Variants in ASCC2 observed in about 807,000 individuals in gnomAD.
The protein encoded by ASCC2 is activating signal cointegrator 1 complex subunit 2, also known as ASC-1 complex subunit P100.
A neutral mutation model predicts 93.5 loss-of-function variants in ASCC2; 42 were observed. The observed-to-expected ratio is 0.45, with a 90% CI of 0.35 to 0.58. The LOEUF (loss-of-function observed/expected upper bound fraction) is 0.58. ASCC2 is among the 20% of genes least tolerant of loss of function. The pLI is 0.00. For synonymous variants in ASCC2, 364 were observed against 384.2 expected, an observed-to-expected ratio of 0.95 and a Z score of 0.62; for missense variants, 859 against 977.6, an observed-to-expected ratio of 0.88 and a Z score of 1.62.
chr22:29,828,190 T>C (rs1357624461), intron 2 of ASCC2, among the ~76,000 whole-genome samples: 1 of 152,202 alleles, frequency 6.6e-6, no homozygotes, highest in Admixed American at 6.5e-5. Flanking sequence ...GGATAAGGAC[T>C]TCAAATGGAA....
At chr22:29,813,230 C>T (rs1369406536) in intron 8 of ASCC2, among the ~76,000 whole-genome samples, 200 bp downstream of exon 8, 2 of 151,996 alleles carry the variant, frequency 1.3e-5, no homozygotes, top group Non-Finnish European at 2.9e-5. Flanking sequence ...CTGGTCTTGG[C>T]CAAAAACAGG....
At chr22:29,816,808 G>GGAGA (rs1428972279) in intron 5 of ASCC2, 1 of 149,460 alleles carries the variant, frequency 6.7e-6, no homozygotes, top group South Asian at 2.1e-4. Flanking sequence ...AGGGAGAGAG[G>GGAGA]GAGAGAGGGA....
In ASCC2 at chr22:29,825,683, G is replaced by A. The variant is rs1317016534; in HGVS notation, c.179C>T (p.Thr60Ile). 5.6e-6 allele frequency: 9 copies of A among 1,614,134 alleles called. No homozygotes were observed. The African/African-American group carries it at 8.0e-5, about 14-fold the overall frequency. ...CCAGTCGAGGTCATTGGCTACGAAG[G>A]TGGCGCGTTCCAGGTACTCCTCCAC... ...ALVEEYLERATFVANDLDWLL... is the reference protein window; with the variant it reads ...ALVEEYLERAIFVANDLDWLL... Residue 60 changes from threonine to isoleucine, a missense_variant, in exon 3 of 20, where the codon ACC (threonine) becomes ATC (isoleucine). By Grantham distance (89) the Thr-to-Ile change is moderately conservative (BLOSUM62 -1). Transcript: ENST00000307790. The surrounding 1 kb of genome is among the most constrained non-coding windows in gnomAD (Gnocchi z 4.9).
At position 29,825,280 on chromosome 22, in the gene ASCC2, G is replaced by C; in HGVS notation, c.241-23C>G. Reference sequence around the variant, plus strand: ...CACCTAAACCAGGAGACAGAGGAGAGCGAGGATTTATCCCTTAGGCCCCAG... The same window carrying C: ...CACCTAAACCAGGAGACAGAGGAGACCGAGGATTTATCCCTTAGGCCCCAG... On this transcript the variant is annotated intron_variant, in intron 3 of 19. Transcript: ENST00000307790. This position sits in a 1 kb window ranked among gnomAD's most constrained non-coding sequence, Gnocchi z 4.9. The C allele has an allele frequency of 6.6e-7, 1 of 1,508,628 alleles. No homozygotes were observed. Among genetic ancestry groups the C allele is most frequent in the Admixed American group, 2.3e-5 (1 of 43,034 alleles). 93.5% of individuals were successfully genotyped at this position (1,508,628 alleles called of 1,614,324 possible).
Position 29,825,463 on chromosome 22 carries a change from T to C in ASCC2, c.240+159A>G. 1 of 1,187,756 alleles carries C rather than the reference T, an allele frequency of 8.4e-7. No individual in the cohort carries two copies. Among genetic ancestry groups the C allele is most frequent in the Non-Finnish European group, 1.2e-6 (1 of 838,524 alleles). 73.6% of individuals were successfully genotyped at this position (1,187,756 alleles called of 1,614,324 possible). A position where few individuals can be genotyped will look rare whatever the true frequency, so the allele number is the denominator to read the frequency against. ...GAAAGGTGTGTAAACATTAAGATTG[T>C]GATACAAGACAGAGCAATCCGAACC... On this transcript the variant is annotated intron_variant, in intron 3 of 19. Coordinates refer to ENST00000307790, the MANE Select transcript of ASCC2 (RefSeq NM_032204.5). The surrounding 1 kb of genome is among the most constrained non-coding windows in gnomAD (Gnocchi z 4.9).
At chr22:29,819,938 C>G (rs1214206602) in intron 5 of ASCC2, among the ~76,000 whole-genome samples, 1 of 152,072 alleles carries the variant, frequency 6.6e-6, no homozygotes, top group Non-Finnish European at 1.5e-5. Context: ...TAGTTCACTA[C>G]AGCCTCAACA....
At chr22:29,827,219 C>T (rs2062477906) in intron 2 of ASCC2, among the ~76,000 whole-genome samples, 1 of 151,518 alleles carries the variant, frequency 6.6e-6, no homozygotes. Flanking sequence ...CAAGTTCTCC[C>T]TTCCAGCCCC....
chr22:29,793,605 T>C lies in ASCC2; in HGVS notation c.1760A>G (p.Tyr587Cys). ...CTCCACCACCACGCTGTACTGCTCG[T>C]AGCGCTGCCGCTGTGCCGCCACTGC... ...KRAVAAQRQR[Y>C]EQYSVVVEEV... Residue 587 changes from tyrosine to cysteine, a missense_variant, in exon 16 of 20, where the codon TAC becomes TGC. Physicochemically the swap from Tyr to Cys is radical, Grantham distance 194. Coordinates refer to ENST00000307790, the MANE Select transcript of ASCC2 (RefSeq NM_032204.5). The C allele has an allele frequency of 6.2e-7, 1 of 1,609,904 alleles. No homozygotes were observed. Among genetic ancestry groups the C allele is most frequent in the Non-Finnish European group, 8.5e-7 (1 of 1,178,598 alleles).
chr22:29,809,446 T>C (rs954883573), intron 8 of ASCC2, among the ~76,000 whole-genome samples: 1 of 152,056 alleles, frequency 6.6e-6, no homozygotes, highest in African/African-American at 2.4e-5. Flanking sequence ...TGCCTCAGCC[T>C]CCCAAGACAC....
intron 15 of ASCC2, among the ~76,000 whole-genome samples, chr22:29,800,217 G>A (rs528683557): frequency 6.6e-6 from 1 of 152,308 alleles, no homozygotes; most frequent in Admixed American, 6.5e-5. Flanking sequence ...CTTTGCAGAA[G>A]TGACCCCTCC....
chr22:29,792,858 A>C (rs1413284779), intron 17 of ASCC2, among the ~76,000 whole-genome samples: 1 of 152,222 alleles, frequency 6.6e-6, no homozygotes, highest in Non-Finnish European at 1.5e-5. Flanking sequence ...ATTAAGAAGA[A>C]AAATGGACTG....
At chr22:29,820,016 C>A (rs1029203222) in intron 5 of ASCC2, among the ~76,000 whole-genome samples, 1 of 151,744 alleles carries the variant, frequency 6.6e-6, no homozygotes, top group Non-Finnish European at 1.5e-5. Flanking sequence ...CATGCCACCA[C>A]GCCTAATTTT....
In ASCC2 at chr22:29,815,814, T is replaced by C. The variant is rs532157318; in HGVS notation, c.609+192A>G. 7.9e-5 allele frequency among the ~76,000 whole-genome samples: 12 copies of C among 152,304 alleles called. No individual in the cohort carries two copies. The East Asian group carries it at 2.3e-3, about 29-fold the overall frequency. On this transcript the variant is annotated intron_variant, in intron 6 of 19. Transcript: ENST00000307790. Reference sequence around the variant, plus strand: ...AGCCAGCCCTTAGGCTTAAGTCTTGTTCAAAAGGGAAAACGGCAAATTTAA... The same window carrying C: ...AGCCAGCCCTTAGGCTTAAGTCTTGCTCAAAAGGGAAAACGGCAAATTTAA...
intron 15 of ASCC2, among the ~76,000 whole-genome samples, chr22:29,794,757 C>T (rs767711178): frequency 1.3e-5 from 2 of 152,154 alleles, no homozygotes; most frequent in Non-Finnish European, 2.9e-5. Context: ...TGTGCTGATG[C>T]GGAAAGAATT....
intron 5 of ASCC2, among the ~76,000 whole-genome samples, chr22:29,820,463 C>T (rs998724498): frequency 1.1e-4 from 17 of 151,744 alleles, no homozygotes; most frequent in African/African-American, 3.6e-4. Context: ...CGCCTGGCTG[C>T]AAAATTTCAT....
chr22:29,823,858 A>G (rs926501608), intron 4 of ASCC2, among the ~76,000 whole-genome samples: 7 of 151,906 alleles, frequency 4.6e-5, no homozygotes, highest in Non-Finnish European at 8.8e-5. Context: ...AAAAAAAAAA[A>G]AAAAGAAAAG....
At chr22:29,829,478 T>G (rs931935655) in intron 2 of ASCC2, among the ~76,000 whole-genome samples, 1 of 152,062 alleles carries the variant, frequency 6.6e-6, no homozygotes, top group African/African-American at 2.4e-5. Flanking sequence ...ATCCCAGTGC[T>G]TTAGGAGGCC....
At chr22:29,823,228 A>G (rs1170174265) in intron 4 of ASCC2, among the ~76,000 whole-genome samples, 1 of 151,616 alleles carries the variant, frequency 6.6e-6, no homozygotes, top group African/African-American at 2.4e-5. Flanking sequence ...TAGTAGAGAC[A>G]GGGTTTTGCC....
At chr22:29,790,439 C>G in intron 19 of ASCC2, 30 bp downstream of exon 19, 5 of 1,611,892 alleles carry the variant, frequency 3.1e-6, no homozygotes, top group Non-Finnish European at 4.2e-6. Flanking sequence ...TGGGAGGGGT[C>G]CCCCCAGAAG....
Sources: allele counts gnomAD v4.1 joint callset (sites outside exome capture counted in the v4.1 genomes callset), GRCh38; gene constraint gnomAD v4.1.1; non-coding constraint Gnocchi (gnomAD v3.1); transcripts MANE v1.5; gene names NCBI Gene and HGNC (gene_info 2026-07-23, HGNC 2026-07-21).